Variants in MEGF10 observed in about 807,000 individuals in gnomAD.
The protein encoded by MEGF10 is multiple epidermal growth factor-like domains protein 10.
MEGF10 carries 86 observed loss-of-function variants against 147.5 expected under a neutral mutation model. The ratio of observed to expected loss-of-function variants is 0.58; its 90% CI spans 0.49 to 0.70. MEGF10 has a LOEUF of 0.70. Among genes scored for constraint, MEGF10 ranks in the 30% least tolerant of loss-of-function variants. The probability of loss-of-function intolerance (pLI) is 0.00; values close to 1 mark genes in which losing one functional copy is unlikely to be tolerated. For missense variants in MEGF10, 1,329 were observed against 1,487.3 expected (o/e 0.89, Z 1.75); for synonymous variants, 478 against 525.5 (o/e 0.91, Z 1.24).
chr5:127,247,312 A>AAG, the MEGF10 span, among the ~76,000 whole-genome samples: 392 of 70,502 alleles, frequency 5.6e-3, 25 homozygotes, highest in Middle Eastern at 0.017. Flanking sequence ...GAGCGAGAGA[A>AAG]AGAGAGAGAA....
the MEGF10 span, among the ~76,000 whole-genome samples, chr5:127,259,042 C>T: frequency 6.6e-6 from 1 of 152,114 alleles, no homozygotes; most frequent in African/African-American, 2.4e-5. Flanking sequence ...TTAGCTGTGT[C>T]CAAGAGCCCA....
intron 19 of MEGF10, among the ~76,000 whole-genome samples, chr5:127,443,888 C>G (rs1765843631): frequency 6.6e-6 from 1 of 152,174 alleles, no homozygotes; most frequent in Admixed American, 6.5e-5. Context: ...GATAAAGCTG[C>G]TATGAACAAG....
chr5:127,396,500 C>T (rs775769130), intron 5 of MEGF10, 32 bp from the exon 6 acceptor site: 1 of 1,502,294 alleles, frequency 6.7e-7, no homozygotes, highest in Admixed American at 2.2e-5. Context: ...CCCTTACCCA[C>T]TGATATCCAC....
intron 1 of MEGF10, among the ~76,000 whole-genome samples, chr5:127,310,605 G>C (rs116503775): frequency 0.026 from 3,990 of 152,116 alleles, 70 homozygotes; most frequent in Non-Finnish European, 0.041. Context: ...TACTTGTTTG[G>C]AGAGTGGCCT....
intron 5 of MEGF10, among the ~76,000 whole-genome samples, chr5:127,372,911 G>C (rs1220149298): frequency 6.6e-6 from 1 of 152,154 alleles, no homozygotes; most frequent in Non-Finnish European, 1.5e-5. Context: ...AAGTCACTAA[G>C]ACTATCGAGC....
chr5:127,344,873 G>A (rs148417906), intron 4 of MEGF10, among the ~76,000 whole-genome samples: 3 of 152,320 alleles, frequency 2.0e-5, no homozygotes, highest in East Asian at 1.9e-4. Flanking sequence ...TACAGGTATC[G>A]TTAGTGGATA....
At position 127,438,597 on chromosome 5, in the gene MEGF10, A is replaced by T. The variant is rs1394784517; in HGVS notation, c.2233+30A>T. 6.2e-6 allele frequency: 10 copies of T among 1,610,288 alleles called. No individual in the cohort carries two copies. In the Admixed American group the frequency reaches 1.3e-4, roughly 22 times the overall value. On this transcript the variant is annotated intron_variant, in intron 17 of 24. Transcript: ENST00000503335. The stretch of plus-strand genomic sequence containing the variant: ...GTGACAAGCCTTCTGAGGCTCACCA[A>T]GGGGAGCCTTGTCCAAGGAGGAAAC...
intron 4 of MEGF10, among the ~76,000 whole-genome samples, chr5:127,365,069 T>A (rs2126850337): frequency 6.6e-6 from 1 of 152,256 alleles, no homozygotes; most frequent in South Asian, 2.1e-4. Context: ...ACTGAATAAA[T>A]GAGAGAAAAT....
chr5:127,244,553 A>G, the MEGF10 span, among the ~76,000 whole-genome samples: 1 of 152,128 alleles, frequency 6.6e-6, no homozygotes, highest in African/African-American at 2.4e-5. Context: ...AAAAAAAGCC[A>G]TATTCAGGTG....
chr5:127,415,859 T>C (rs1395828743), intron 9 of MEGF10, among the ~76,000 whole-genome samples: 1 of 134,012 alleles, frequency 7.5e-6, no homozygotes, highest in Non-Finnish European at 1.5e-5. Flanking sequence ...ATCGTGCCAC[T>C]GCACTCCAGC....
At chr5:127,363,800 G>T (rs1392281354) in intron 4 of MEGF10, among the ~76,000 whole-genome samples, 1 of 152,158 alleles carries the variant, frequency 6.6e-6, no homozygotes, top group Non-Finnish European at 1.5e-5. Context: ...TTTACTAAGT[G>T]CAAACATCTA....
intron 9 of MEGF10, 135 bp from the exon 10 acceptor site, chr5:127,417,503 C>A: frequency 1.2e-6 from 1 of 847,084 alleles, no homozygotes; most frequent in Non-Finnish European, 1.9e-6. Context: ...CATACCAAGC[C>A]TGGGAATGAA....
intron 17 of MEGF10, among the ~76,000 whole-genome samples, chr5:127,440,251 A>G (rs1332311069): frequency 3.3e-5 from 5 of 152,210 alleles, no homozygotes; most frequent in Non-Finnish European, 7.3e-5. Flanking sequence ...TCTTCAGGGA[A>G]GTTGATATTA....
At chr5:127,258,180 T>A in the MEGF10 span, among the ~76,000 whole-genome samples, 2 of 152,216 alleles carry the variant, frequency 1.3e-5, no homozygotes, top group African/African-American at 2.4e-5. Flanking sequence ...TGAAAAAATT[T>A]TCCTAATCTC....
intron 3 of MEGF10, among the ~76,000 whole-genome samples, chr5:127,339,983 G>T (rs1330949994): frequency 6.6e-6 from 1 of 152,138 alleles, no homozygotes; most frequent in Non-Finnish European, 1.5e-5. Flanking sequence ...AACAAATTCA[G>T]CCAGATCTGT....
intron 5 of MEGF10, among the ~76,000 whole-genome samples, chr5:127,392,109 T>A (rs1763723591): frequency 6.6e-6 from 1 of 152,196 alleles, no homozygotes. Flanking sequence ...AAAGTGTGCC[T>A]AAGGACAGAG....
chr5:127,434,820 A>C lies in MEGF10; in HGVS notation c.1974A>C (p.Glu658Asp), dbSNP rs1164777572. 1 of 1,612,388 alleles carries C rather than the reference A, an allele frequency of 6.2e-7. No individual in the cohort carries two copies. Among genetic ancestry groups the C allele is most frequent in the South Asian group, 1.1e-5 (1 of 91,022 alleles). Residue 658 changes from glutamate (E) to aspartate (D), a missense_variant and splice_region_variant, in exon 15 of 25, where the codon GAA (glutamate) becomes GAC (aspartate). Transcript: ENST00000503335. ...GCTTCACAGGCGCCCTCTGCAATGAAGGTAAGGCACGAAGCATCCCGGACA... is the reference window on the plus strand; with the variant it reads ...GCTTCACAGGCGCCCTCTGCAATGACGGTAAGGCACGAAGCATCCCGGACA... ...LPGFTGALCN[E>D]VCPSGRFGKN...
chr5:127,457,542 T>C lies in MEGF10; in HGVS notation c.*224T>C. 1.9e-6 allele frequency: 1 copy of C among 515,602 alleles called. No individual in the cohort carries two copies. The highest frequency in any genetic ancestry group is 3.4e-6 in the Non-Finnish European group (1 of 292,772). 31.9% of individuals were successfully genotyped at this position (515,602 alleles called of 1,614,324 possible). ...GATGTGATTTCCCATTGCTGTTAGT[T>C]TTAGAACTATACCCGTGAAGCATGA... On this transcript the variant is annotated 3_prime_UTR_variant, in exon 25 of 25. Transcript: ENST00000503335.
intron 1 of MEGF10, among the ~76,000 whole-genome samples, chr5:127,326,636 C>T (rs780079322): frequency 6.6e-5 from 10 of 152,162 alleles, no homozygotes; most frequent in Non-Finnish European, 1.0e-4. Context: ...CTGCCTCTGC[C>T]GGCCTTTCTG....
Sources: gnomAD v4.1 joint callset for allele counts (sites outside exome capture counted in the v4.1 genomes callset) on GRCh38, gnomAD v4.1.1 for gene constraint, MANE v1.5 for transcripts, NCBI Gene and HGNC (gene_info 2026-07-23, HGNC 2026-07-21) for gene names.